SDK1: variants seen among roughly 807,000 people sequenced by gnomAD.
SDK1 encodes the protein protein sidekick-1.
Under a neutral mutation model 245.5 loss-of-function variants are expected in SDK1, and 157 were observed. That is an observed-to-expected ratio of 0.64 (90% CI 0.56 to 0.73). The LOEUF is 0.73. SDK1 is among the 30% of genes least tolerant of loss of function. The pLI, the probability that SDK1 is intolerant of heterozygous loss-of-function variation, is 0.00. For synonymous variants in SDK1, 1,647 were observed against 1,278.5 expected (o/e 1.29, Z -6.15); for missense variants, 3,583 against 3,002.3 (o/e 1.19, Z -4.52).
intron 4 of SDK1, among the ~76,000 whole-genome samples, chr7:3,732,401 G>A (rs565274919): frequency 6.6e-6 from 1 of 152,302 alleles, no homozygotes; most frequent in South Asian, 2.1e-4. Context: ...AAAGTCCGAG[G>A]AAAGATAGAG....
At chr7:3,912,983 G>C (rs1284389737) in intron 5 of SDK1, among the ~76,000 whole-genome samples, 1 of 152,236 alleles carries the variant, frequency 6.6e-6, no homozygotes, top group African/African-American at 2.4e-5. Flanking sequence ...GCAAGATGTG[G>C]ATCAGGCTCT....
At chr7:3,687,840 C>A (rs1023250299) in intron 4 of SDK1, among the ~76,000 whole-genome samples, 1 of 152,186 alleles carries the variant, frequency 6.6e-6, no homozygotes, top group South Asian at 2.1e-4. Flanking sequence ...CAGTGCTGTT[C>A]TATACTTCCG....
rs562011065 is a variant in SDK1 at position 3,606,987 on chromosome 7, A to G, written c.299-12093A>G. Among the ~76,000 whole-genome samples, 5 of 152,284 alleles carry G rather than the reference A, an allele frequency of 3.3e-5. No individual in the cohort carries two copies. The South Asian group carries it at 6.2e-4, about 19-fold the overall frequency. ...AGGACACTAATAAAGAAATAATACTACTAGTAACTTTCTTCATTGATTTGC... is the reference window on the plus strand; with the variant it reads ...AGGACACTAATAAAGAAATAATACTGCTAGTAACTTTCTTCATTGATTTGC... On this transcript the variant is annotated intron_variant, in intron 1 of 44. Coordinates refer to ENST00000404826, the MANE Select transcript of SDK1 (RefSeq NM_152744.4).
At chr7:3,730,081 C>T (rs967016007) in intron 4 of SDK1, among the ~76,000 whole-genome samples, 1 of 151,934 alleles carries the variant, frequency 6.6e-6, no homozygotes, top group Non-Finnish European at 1.5e-5. Flanking sequence ...TTTGATGGCC[C>T]CTAGCAGGAA....
intron 4 of SDK1, among the ~76,000 whole-genome samples, chr7:3,663,785 A>G (rs1783440208): frequency 6.6e-6 from 1 of 152,180 alleles, no homozygotes; most frequent in Non-Finnish European, 1.5e-5. Flanking sequence ...TGTACATCTA[A>G]AAGGAAGTAT....
chr7:3,396,965 A>G (rs1778727109), intron 1 of SDK1, among the ~76,000 whole-genome samples: 1 of 151,282 alleles, frequency 6.6e-6, no homozygotes, highest in African/African-American at 2.4e-5. Context: ...TTTGTGTTAA[A>G]TGGATTCTTT....
chr7:3,472,309 A>G, intron 1 of SDK1, among the ~76,000 whole-genome samples: 1 of 152,142 alleles, frequency 6.6e-6, no homozygotes, highest in East Asian at 1.9e-4. Context: ...TAGTTTCCAC[A>G]TATTACTCAT....
chr7:3,848,959 C>T (rs373105362), intron 5 of SDK1, among the ~76,000 whole-genome samples: 24 of 152,330 alleles, frequency 1.6e-4, no homozygotes, highest in African/African-American at 4.8e-4. Context: ...CGTGAGCCGC[C>T]GCGCCCGGCC....
chr7:3,351,736 T>G (rs947130487), intron 1 of SDK1, among the ~76,000 whole-genome samples: 2 of 152,112 alleles, frequency 1.3e-5, no homozygotes, highest in African/African-American at 4.8e-5. Context: ...TAGGTACATA[T>G]TATATAAAGC....
chr7:3,418,904 C>T (rs1779458711), intron 1 of SDK1, among the ~76,000 whole-genome samples: 1 of 152,166 alleles, frequency 6.6e-6, no homozygotes, highest in Admixed American at 6.5e-5. Context: ...CCCTGAAGAA[C>T]TCGTATATGT....
intron 1 of SDK1, among the ~76,000 whole-genome samples, chr7:3,340,376 CAA>C (rs1186184133): frequency 6.6e-6 from 1 of 152,130 alleles, no homozygotes; most frequent in Non-Finnish European, 1.5e-5. Flanking sequence ...AATGCTGACA[CAA>C]AGTGAGCACA....
At chr7:3,972,603 G>C (rs1782573119) in intron 12 of SDK1, among the ~76,000 whole-genome samples, 1 of 152,172 alleles carries the variant, frequency 6.6e-6, no homozygotes, top group Non-Finnish European at 1.5e-5. Context: ...TTTCCACTCT[G>C]GCCTTAGCCC....
At chr7:4,041,262 G>T (rs1788613860) in intron 17 of SDK1, among the ~76,000 whole-genome samples, 1 of 151,174 alleles carries the variant, frequency 6.6e-6, no homozygotes, top group Non-Finnish European at 1.5e-5. Flanking sequence ...AAAGTTTACA[G>T]GAACCACATG....
chr7:3,417,509 A>G (rs533683996), intron 1 of SDK1, among the ~76,000 whole-genome samples: 3 of 152,068 alleles, frequency 2.0e-5, no homozygotes, highest in African/African-American at 7.2e-5. Flanking sequence ...TCAAGCGTAC[A>G]CTTAAATAGT....
chr7:3,526,999 ATATAAT>A (rs1397884096), intron 1 of SDK1, among the ~76,000 whole-genome samples: 6 of 152,154 alleles, frequency 3.9e-5, no homozygotes, highest in Admixed American at 1.3e-4. Flanking sequence ...CTTCAGTGTG[ATATAAT>A]TATATAAGTT....
chr7:3,873,916 T>C (rs1435456084), intron 5 of SDK1, among the ~76,000 whole-genome samples: 1 of 152,230 alleles, frequency 6.6e-6, no homozygotes, highest in East Asian at 1.9e-4. Flanking sequence ...GTCTGATAGG[T>C]CCAAGATACA....
At chr7:3,551,874 A>G (rs953779408) in intron 1 of SDK1, among the ~76,000 whole-genome samples, 2 of 151,978 alleles carry the variant, frequency 1.3e-5, no homozygotes, top group Admixed American at 6.6e-5. Context: ...TTAAGGAACA[A>G]TTTTCTTTAC....
intron 20 of SDK1, among the ~76,000 whole-genome samples, chr7:4,074,737 C>T (rs1486409119): frequency 2.0e-5 from 3 of 150,970 alleles, no homozygotes; most frequent in Non-Finnish European, 4.4e-5. Context: ...GTGGCACATG[C>T]CTATAGTACC....
At chr7:3,465,308 A>G (rs577958344) in intron 1 of SDK1, among the ~76,000 whole-genome samples, 13 of 152,192 alleles carry the variant, frequency 8.5e-5, no homozygotes, top group Non-Finnish European at 1.6e-4. Flanking sequence ...TCTCCCCAGC[A>G]TTTCCATAAC....
Sources: gnomAD v4.1 joint callset for allele counts (sites outside exome capture counted in the v4.1 genomes callset) on GRCh38, gnomAD v4.1.1 for gene constraint, MANE v1.5 for transcripts, NCBI Gene and HGNC (gene_info 2026-07-23, HGNC 2026-07-21) for gene names.